Variants in LOXHD1 observed in about 807,000 individuals in gnomAD.
LOXHD1 encodes the protein lipoxygenase homology PLAT domains 1, also known as lipoxygenase homology domain-containing protein 1.
In LOXHD1, 205 loss-of-function variants were observed where a neutral mutation model predicts 248.2. That is an observed-to-expected ratio of 0.83 (90% confidence interval 0.74 to 0.93). The LOEUF (loss-of-function observed/expected upper bound fraction) is 0.93, where lower values mean the gene tolerates loss of function less well. Ranked by LOEUF, LOXHD1 falls within the 40% of genes least tolerant of loss-of-function variation. LOXHD1 has a pLI of 0.00. For missense variants in LOXHD1, 2,930 were observed against 2,971.6 expected, an observed-to-expected ratio of 0.99 and a Z score of 0.33; for synonymous variants, 1,113 against 1,162.8, an observed-to-expected ratio of 0.96 and a Z score of 0.87.
At position 46,577,914 on chromosome 18, in the gene LOXHD1, G is replaced by A. The variant is rs2037891066; in HGVS notation, c.1810-47C>T. On this transcript the variant is annotated intron_variant, in intron 13 of 40. Coordinates refer to ENST00000642948, the MANE Select transcript of LOXHD1 (RefSeq NM_001384474.1). ...GCCAGTTAGACAGTGGCTACCCCAG[G>A]ACCCAAACACCAAGGGAAGACATAA... The A allele has an allele frequency of 1.9e-6, 3 of 1,544,326 alleles. No individual in the cohort carries two copies. In the East Asian group the frequency reaches 7.3e-5, roughly 38 times the overall value.
chr18:46,590,714 G>T (rs2038150523), intron 12 of LOXHD1, among the ~76,000 whole-genome samples: 1 of 152,154 alleles, frequency 6.6e-6, no homozygotes, highest in South Asian at 2.1e-4. Flanking sequence ...AAAAAGGCAG[G>T]GTGATGATTT....
intron 6 of LOXHD1, among the ~76,000 whole-genome samples, chr18:46,607,885 C>T (rs1201261247): frequency 6.6e-6 from 1 of 151,968 alleles, no homozygotes; most frequent in African/African-American, 2.4e-5. Context: ...AAATGCCACC[C>T]GAGCAAGAAT....
intron 33 of LOXHD1, chr18:46,520,181 G>C: frequency 2.2e-6 from 1 of 461,132 alleles, no homozygotes; most frequent in Non-Finnish European, 4.4e-6. Flanking sequence ...TAGCAGGCGA[G>C]AGGCAGGAGA....
chr18:46,530,509 T>C (rs777412870), intron 28 of LOXHD1, among the ~76,000 whole-genome samples: 1 of 152,110 alleles, frequency 6.6e-6, no homozygotes, highest in Non-Finnish European at 1.5e-5. Flanking sequence ...CGAGCACAGC[T>C]GGGAGTGGCA....
chr18:46,643,731 G>A (rs1289400711), intron 2 of LOXHD1, among the ~76,000 whole-genome samples: 1 of 152,156 alleles, frequency 6.6e-6, no homozygotes, highest in East Asian at 1.9e-4. Flanking sequence ...GACAAGGCAA[G>A]TGATCTTTAG....
rs1197342267 is a variant in LOXHD1, at chr18:46,574,640, G to A, written c.1971-2478C>T. On this transcript the variant is annotated intron_variant, in intron 14 of 40. Transcript: ENST00000642948. Reference sequence around the variant, plus strand: ...TAAAAAAAAAAAAAAAAAAATGCATGCACTGTTAAGTGTTTGGGGGCAGGG... The same window carrying A: ...TAAAAAAAAAAAAAAAAAAATGCATACACTGTTAAGTGTTTGGGGGCAGGG... Among the ~76,000 whole-genome samples, 6 of 150,314 alleles carry A rather than the reference G, an allele frequency of 4.0e-5. No individual in the cohort carries two copies. The East Asian group carries it at 5.9e-4, about 15-fold the overall frequency.
rs886150082 is a variant in LOXHD1 at position 46,656,244 on chromosome 18, A to G, written c.130+660T>C. On this transcript the variant is annotated intron_variant, in intron 1 of 40. Coordinates refer to ENST00000642948, the MANE Select transcript of LOXHD1 (RefSeq NM_001384474.1). ...CATTCACAGAAAAAAGGATTTCAAA[A>G]CGCTGGAAAGGAAAAAAACAACTTA... Among the ~76,000 whole-genome samples, 12 of 152,228 alleles carry G rather than the reference A, an allele frequency of 7.9e-5. No individual in the cohort carries two copies. The East Asian group carries it at 2.3e-3, about 29-fold the overall frequency.
At chr18:46,545,452 T>C (rs755585980) in intron 22 of LOXHD1, 31 bp from the exon 23 acceptor site, 38 of 1,481,312 alleles carry the variant, frequency 2.6e-5, no homozygotes, top group African/African-American at 1.4e-5. Flanking sequence ...AGCAATGAAT[T>C]GTAGACTGTT....
At position 46,488,869 on chromosome 18, in the gene LOXHD1, T is replaced by G. The variant is rs1409978328; in HGVS notation, c.6049+103A>C. On this transcript the variant is annotated intron_variant, in intron 38 of 40. Transcript: ENST00000642948. Reference sequence around the variant, plus strand: ...TTTCCTCATGCATATCTCCATATTATTCCCTGTATCTGGCACCTGACCCCC... The same window carrying G: ...TTTCCTCATGCATATCTCCATATTAGTCCCTGTATCTGGCACCTGACCCCC... 5 of 1,255,606 alleles carry G rather than the reference T, an allele frequency of 4.0e-6. No homozygotes were observed. In the African/African-American group the frequency reaches 7.5e-5, roughly 19 times the overall value. 77.8% of individuals were successfully genotyped at this position (1,255,606 alleles called of 1,614,324 possible). A position where few individuals can be genotyped will look rare whatever the true frequency, so the allele number is the denominator to read the frequency against.
chr18:46,629,885 C>T (rs1023519141), intron 4 of LOXHD1, among the ~76,000 whole-genome samples: 15 of 152,030 alleles, frequency 9.9e-5, no homozygotes, highest in South Asian at 2.1e-4. Flanking sequence ...ATCCACCCCT[C>T]CCACCACCTG....
intron 12 of LOXHD1, among the ~76,000 whole-genome samples, chr18:46,585,716 G>C (rs903011190): frequency 2.0e-5 from 3 of 152,108 alleles, no homozygotes; most frequent in Non-Finnish European, 4.4e-5. Flanking sequence ...AACTGCAAGG[G>C]ACCCAGAATA....
intron 1 of LOXHD1, among the ~76,000 whole-genome samples, chr18:46,650,665 C>A (rs2039098358): frequency 6.6e-6 from 1 of 152,026 alleles, no homozygotes; most frequent in Non-Finnish European, 1.5e-5. Context: ...CAATTCAGAG[C>A]CCATTCCACA....
At chr18:46,584,031 A>G (rs1031995402) in intron 12 of LOXHD1, among the ~76,000 whole-genome samples, 10 of 152,180 alleles carry the variant, frequency 6.6e-5, no homozygotes, top group Non-Finnish European at 1.5e-4. Context: ...AAGGAATAAA[A>G]TCCTGTCACT....
chr18:46,560,353 G>T lies in LOXHD1; in HGVS notation c.2791C>A (p.Arg931=). Residue 931 remains arginine, a synonymous_variant, in exon 19 of 41, where the codon CGG becomes AGG. Transcript: ENST00000642948. ...DKLRQLLKKE[R]LKAKLQRKKK... ...TTCCTCTGCAGCTTGGCCTTCAGCC[G>T]CTCCTTCTTGAGCAGCTGCCGCAGC... 6.4e-7 allele frequency: 1 copy of T among 1,552,216 alleles called. No individual in the cohort carries two copies. Among genetic ancestry groups the T allele is most frequent in the Non-Finnish European group, 8.7e-7 (1 of 1,147,698 alleles).
chr18:46,586,055 T>G (rs1280289160), intron 12 of LOXHD1, among the ~76,000 whole-genome samples: 1 of 152,220 alleles, frequency 6.6e-6, no homozygotes, highest in African/African-American at 2.4e-5. Flanking sequence ...CAATGGACTA[T>G]ATTATTCAGC....
At chr18:46,487,006 GC>G (rs2033105448) in intron 38 of LOXHD1, among the ~76,000 whole-genome samples, 1 of 152,204 alleles carries the variant, frequency 6.6e-6, no homozygotes, top group South Asian at 2.1e-4. Context: ...TTCACAGGTT[GC>G]TGGGAAGGAA....
At chr18:46,560,583 G>GC in intron 18 of LOXHD1, 38 bp from the exon 19 acceptor site, 1 of 1,488,472 alleles carries the variant, frequency 6.7e-7, no homozygotes, top group Non-Finnish European at 8.9e-7. Context: ...CGTGGCCCCA[G>GC]CGTCCTCCCC....
At chr18:46,558,195 C>A (rs1187878841) in intron 20 of LOXHD1, 16 of 369,588 alleles carry the variant, frequency 4.3e-5, no homozygotes, top group Non-Finnish European at 6.0e-5. Flanking sequence ...TTATTTGTAA[C>A]ATTTGCTTTC....
chr18:46,502,497 A>C (rs1299978307), intron 37 of LOXHD1, among the ~76,000 whole-genome samples: 1 of 152,170 alleles, frequency 6.6e-6, no homozygotes. Flanking sequence ...AATGCATAGT[A>C]ATCTGGACCA....
Sources: gnomAD v4.1 joint callset for allele counts (sites outside exome capture counted in the v4.1 genomes callset) on GRCh38, gnomAD v4.1.1 for gene constraint, MANE v1.5 for transcripts, NCBI Gene and HGNC (gene_info 2026-07-23, HGNC 2026-07-21) for gene names.